Variants in B3GALT1 observed in about 807,000 individuals in gnomAD.
B3GALT1 encodes the protein UDP-Gal:betaGlcNAc beta 1,3-galactosyltransferase, polypeptide 1.
A neutral mutation model predicts 23.2 loss-of-function variants in B3GALT1; 10 were observed. That is an observed-to-expected ratio of 0.43 (90% CI 0.27 to 0.73). B3GALT1 has a LOEUF of 0.73. Ranked by LOEUF, B3GALT1 falls within the 30% of genes least tolerant of loss-of-function variation. The pLI is 0.21. For synonymous variants in B3GALT1, 156 were observed against 141.5 expected, an observed-to-expected ratio of 1.10 and a Z score of -0.73; for missense variants, 299 against 405.4, an observed-to-expected ratio of 0.74 and a Z score of 2.25.
At chr2:167,419,605 A>C (rs1698518524) in intron 1 of B3GALT1, among the ~76,000 whole-genome samples, 1 of 152,246 alleles carries the variant, frequency 6.6e-6, no homozygotes, top group Non-Finnish European at 1.5e-5. Context: ...TTTCAGGGAA[A>C]GTAAGGACAG....
intron 1 of B3GALT1, among the ~76,000 whole-genome samples, chr2:167,415,207 A>G (rs1294357980): frequency 1.3e-5 from 2 of 152,176 alleles, no homozygotes; most frequent in Admixed American, 1.3e-4. Flanking sequence ...TGCTGCCTTC[A>G]TGAATGGATT....
chr2:167,725,799 G>A (rs1005184344), intron 3 of B3GALT1, among the ~76,000 whole-genome samples: 1 of 152,172 alleles, frequency 6.6e-6, no homozygotes, highest in African/African-American at 2.4e-5. Flanking sequence ...TGTTCAGGGA[G>A]ATGAAGACCT....
At chr2:167,340,918 A>G (rs1697137430) in intron 1 of B3GALT1, among the ~76,000 whole-genome samples, 1 of 152,192 alleles carries the variant, frequency 6.6e-6, no homozygotes. Context: ...TAGCTATAAT[A>G]TTATGTTCAA....
intron 4 of B3GALT1, among the ~76,000 whole-genome samples, chr2:167,842,782 G>A (rs909001532): frequency 1.3e-5 from 2 of 152,116 alleles, no homozygotes; most frequent in Admixed American, 6.5e-5. Context: ...GCTGAGGCGG[G>A]AGGATTACTT....
chr2:167,319,252 TGTAA>T (rs1032007373), intron 1 of B3GALT1, among the ~76,000 whole-genome samples: 5 of 152,118 alleles, frequency 3.3e-5, no homozygotes, highest in African/African-American at 4.8e-5. Context: ...CAGATCTGCA[TGTAA>T]GTATCTCTAA....
intron 3 of B3GALT1, among the ~76,000 whole-genome samples, chr2:167,691,296 A>C (rs150166912): frequency 6.6e-6 from 1 of 152,258 alleles, no homozygotes; most frequent in Non-Finnish European, 1.5e-5. Context: ...TGGCCCATTT[A>C]GTCCTTCCCA....
intron 3 of B3GALT1, among the ~76,000 whole-genome samples, chr2:167,765,136 G>A (rs539809916): frequency 6.6e-6 from 1 of 152,296 alleles, no homozygotes; most frequent in Admixed American, 6.5e-5. Flanking sequence ...ATTGTGTAAA[G>A]TGGCTTAAGT....
At chr2:167,353,452 C>CT (rs1327718482) in intron 1 of B3GALT1, among the ~76,000 whole-genome samples, 5 of 150,550 alleles carry the variant, frequency 3.3e-5, no homozygotes, top group African/African-American at 9.7e-5. Context: ...TCAGTAATCA[C>CT]TTTTTTTTTC....
chr2:167,868,984 A>G lies in B3GALT1; in HGVS notation c.-56A>G. 2.6e-6 allele frequency: 4 copies of G among 1,518,476 alleles called. No individual in the cohort carries two copies. The highest frequency in any genetic ancestry group is 3.5e-6 in the Non-Finnish European group (4 of 1,133,362). 94.1% of individuals were successfully genotyped at this position (1,518,476 alleles called of 1,614,324 possible). Reference sequence around the variant, plus strand: ...TGCTGCCTTTGGAAGATGAAAACAAACTAGTGCCAAGGAGGCGTATTCTTC... The same window carrying G: ...TGCTGCCTTTGGAAGATGAAAACAAGCTAGTGCCAAGGAGGCGTATTCTTC... On this transcript the variant is annotated 5_prime_UTR_variant, in exon 5 of 5. Transcript: ENST00000392690.
chr2:167,324,942 A>G (rs1247794692), intron 1 of B3GALT1, among the ~76,000 whole-genome samples: 1 of 152,010 alleles, frequency 6.6e-6, no homozygotes, highest in Non-Finnish European at 1.5e-5. Context: ...CTACTTCTGT[A>G]GCTCCCACAT....
intron 3 of B3GALT1, among the ~76,000 whole-genome samples, chr2:167,719,944 A>G (rs969687703): frequency 3.3e-5 from 5 of 151,980 alleles, no homozygotes; most frequent in African/African-American, 1.2e-4. Flanking sequence ...AAAAAAAAAA[A>G]GAAAGTCCAG....
At chr2:167,805,935 C>A (rs369330770) in intron 3 of B3GALT1, among the ~76,000 whole-genome samples, 5 of 152,068 alleles carry the variant, frequency 3.3e-5, no homozygotes, top group Non-Finnish European at 7.4e-5. Flanking sequence ...GCCATTTTCA[C>A]GATATTGATT....
intron 1 of B3GALT1, among the ~76,000 whole-genome samples, chr2:167,383,541 A>G (rs892381057): frequency 1.3e-5 from 2 of 152,178 alleles, no homozygotes; most frequent in South Asian, 2.1e-4. Context: ...ATTTCTTTCC[A>G]TCATAAAAAA....
At chr2:167,642,583 A>G (rs1245932507) in intron 2 of B3GALT1, among the ~76,000 whole-genome samples, 1 of 152,134 alleles carries the variant, frequency 6.6e-6, no homozygotes, top group East Asian at 1.9e-4. Context: ...ATTGATCTTA[A>G]AAAACATTTT....
At chr2:167,639,030 T>G (rs2105453692) in intron 2 of B3GALT1, among the ~76,000 whole-genome samples, 1 of 152,208 alleles carries the variant, frequency 6.6e-6, no homozygotes, top group East Asian at 1.9e-4. Context: ...GTTAATACTT[T>G]CACAAGTTTG....
intron 3 of B3GALT1, among the ~76,000 whole-genome samples, chr2:167,660,485 A>G (rs731922): frequency 0.15 from 23,187 of 152,070 alleles, 4,170 homozygotes; most frequent in African/African-American, 0.43. Flanking sequence ...GGAAGATTCT[A>G]TTATTGTAAT....
chr2:167,781,556 A>T (rs1408263140), intron 3 of B3GALT1, among the ~76,000 whole-genome samples: 1 of 152,214 alleles, frequency 6.6e-6, no homozygotes, highest in Non-Finnish European at 1.5e-5. Context: ...CATAAAGCAT[A>T]TTAAAAAATC....
At chr2:167,433,568 C>CT (rs1325184311) in intron 1 of B3GALT1, among the ~76,000 whole-genome samples, 1 of 152,016 alleles carries the variant, frequency 6.6e-6, no homozygotes, top group African/African-American at 2.4e-5. Flanking sequence ...ATATAGGAAA[C>CT]TAAGGTTCTG....
chr2:167,461,959 G>T (rs1447362091), intron 1 of B3GALT1, among the ~76,000 whole-genome samples: 1 of 152,146 alleles, frequency 6.6e-6, no homozygotes, highest in Admixed American at 6.5e-5. Flanking sequence ...GGGGCAAGAT[G>T]CCCTAGTTGT....
Sources: allele counts gnomAD v4.1 joint callset (sites outside exome capture counted in the v4.1 genomes callset), GRCh38; gene constraint gnomAD v4.1.1; transcripts MANE v1.5; gene names NCBI Gene and HGNC (gene_info 2026-07-23, HGNC 2026-07-21).